Variants in EPAS1 observed in about 807,000 individuals in gnomAD.
The protein encoded by EPAS1 is endothelial PAS domain protein 1, also known as endothelial PAS domain-containing protein 1.
Under a neutral mutation model 87.9 loss-of-function variants are expected in EPAS1, and 23 were observed. That is an observed-to-expected ratio of 0.26 (90% CI 0.19 to 0.37). The LOEUF (loss-of-function observed/expected upper bound fraction) is 0.37. Among genes scored for constraint, EPAS1 ranks in the 10% least tolerant of loss-of-function variants. The pLI is 1.00. For synonymous variants in EPAS1, 508 were observed against 444.3 expected, an observed-to-expected ratio of 1.14 and a Z score of -1.80; for missense variants, 1,138 against 1,120.7, an observed-to-expected ratio of 1.02 and a Z score of -0.22.
chr2:46,311,906 C>T (rs1317587545), intron 1 of EPAS1, among the ~76,000 whole-genome samples: 3 of 152,152 alleles, frequency 2.0e-5, no homozygotes, highest in Non-Finnish European at 4.4e-5. Flanking sequence ...GAGCATTGAT[C>T]CCTTTGTTCC....
At chr2:46,357,122 A>G (rs1684285432) in intron 4 of EPAS1, among the ~76,000 whole-genome samples, 1 of 152,170 alleles carries the variant, frequency 6.6e-6, no homozygotes, top group African/African-American at 2.4e-5. Context: ...ACACCACCCA[A>G]ACCAATGAGG....
At chr2:46,377,819 G>A (rs1345794604) in intron 9 of EPAS1, 75 bp from the exon 10 acceptor site, 2 of 1,551,188 alleles carry the variant, frequency 1.3e-6, no homozygotes. Flanking sequence ...CTTCTCTGCG[G>A]TTTTTGGGCC....
Position 46,385,187 on chromosome 2 carries a change from GT to G in EPAS1, c.*540del, listed in dbSNP as rs75932330. The G allele has an allele frequency of 0.084, 12,627 of 149,746 alleles. 809 individuals carry two copies. Among genetic ancestry groups the G allele is most frequent in the African/African-American group, 0.19 (7,691 of 40,560 alleles). The allele number at this position is 149,746 out of a possible 1,614,324, so 9.3% of individuals were successfully genotyped here. ...TAATCACCATATTGTAAATTTCAGG[GT>G]TTTTTTTTTTTTGTTTAAGCTGACT... On this transcript the variant is annotated 3_prime_UTR_variant, in exon 16 of 16. Transcript: ENST00000263734.
intron 15 of EPAS1, 93 bp downstream of exon 15, chr2:46,382,691 G>A (rs2103678778): frequency 6.6e-7 from 1 of 1,516,912 alleles, no homozygotes; most frequent in African/African-American, 1.4e-5. Flanking sequence ...CACAGTGCCA[G>A]GCACAGGGAG....
intron 15 of EPAS1, among the ~76,000 whole-genome samples, chr2:46,383,904 G>C (rs1242291970): frequency 6.6e-6 from 1 of 152,162 alleles, no homozygotes; most frequent in Non-Finnish European, 1.5e-5. Flanking sequence ...AGGTGGGTGG[G>C]CATCTCCCAT....
intron 6 of EPAS1, among the ~76,000 whole-genome samples, chr2:46,366,813 G>A (rs950898629): frequency 2.0e-5 from 3 of 152,260 alleles, no homozygotes; most frequent in African/African-American, 7.2e-5. Flanking sequence ...GGAGCCTGGG[G>A]GAAATGAGCG....
chr2:46,338,515 A>T (rs890868051), intron 1 of EPAS1, among the ~76,000 whole-genome samples: 6 of 152,204 alleles, frequency 3.9e-5, no homozygotes. Context: ...GAGTGAAGAC[A>T]GCACCGAGTC....
intron 1 of EPAS1, 64 bp downstream of exon 1, chr2:46,298,001 G>A: frequency 1.9e-6 from 3 of 1,591,260 alleles, no homozygotes. Flanking sequence ...GCGCGGGGCA[G>A]GCGCGACCGA....
rs1572608003 is a variant in EPAS1, at chr2:46,297,542, A to C, written c.-370A>C. ...TCAGCCCGGCCTCCGACTCCTTCCG[A>C]CTCCCAGCATTCGAGCCACTTTTTT... On this transcript the variant is annotated 5_prime_UTR_variant, in exon 1 of 16. Coordinates refer to ENST00000263734, the MANE Select transcript of EPAS1 (RefSeq NM_001430.5). 1 of 314,280 alleles carries C rather than the reference A, an allele frequency of 3.2e-6. No individual in the cohort carries two copies. The highest frequency in any genetic ancestry group is 2.4e-5 in the African/African-American group (1 of 41,696). 19.5% of individuals were successfully genotyped at this position (314,280 alleles called of 1,614,324 possible).
chr2:46,377,266 C>T (rs1684774174), intron 9 of EPAS1, among the ~76,000 whole-genome samples: 2 of 152,230 alleles, frequency 1.3e-5, no homozygotes, highest in Non-Finnish European at 2.9e-5. Context: ...AAAGTGTCTG[C>T]CTGTCCCTGG....
At chr2:46,298,003 C>G (rs1188459295) in intron 1 of EPAS1, 66 bp downstream of exon 1, 1 of 1,586,270 alleles carries the variant, frequency 6.3e-7, no homozygotes, top group Non-Finnish European at 8.6e-7. Context: ...GCGGGGCAGG[C>G]GCGACCGAGA....
intron 1 of EPAS1, among the ~76,000 whole-genome samples, chr2:46,318,060 A>C (rs943716966): frequency 6.6e-6 from 1 of 152,148 alleles, no homozygotes; most frequent in African/African-American, 2.4e-5. Flanking sequence ...TTAAAGTGAG[A>C]GATGTGACTC....
chr2:46,301,768 G>A (rs1683004893), intron 1 of EPAS1, among the ~76,000 whole-genome samples: 1 of 150,140 alleles, frequency 6.7e-6, no homozygotes, highest in African/African-American at 2.4e-5. Flanking sequence ...TTGCTTTTCT[G>A]GATAATTATC....
chr2:46,380,039 C>T lies in EPAS1; in HGVS notation c.1555-188C>T. The T allele has an allele frequency of 3.6e-6, 3 of 843,548 alleles. No homozygotes were observed. The highest frequency in any genetic ancestry group is 4.8e-5 in the East Asian group (2 of 41,270). 52.3% of individuals were successfully genotyped at this position (843,548 alleles called of 1,614,324 possible). ...CATGGGGGAAGGCTGGTACATGATACAAGGTCGTGTACATGACACAGCCAA... is the reference window on the plus strand; with the variant it reads ...CATGGGGGAAGGCTGGTACATGATATAAGGTCGTGTACATGACACAGCCAA... On this transcript the variant is annotated intron_variant, in intron 11 of 15. Coordinates refer to ENST00000263734, the MANE Select transcript of EPAS1 (RefSeq NM_001430.5). This position sits in a 1 kb window ranked among gnomAD's most constrained non-coding sequence, Gnocchi z 4.4.
Position 46,375,280 on chromosome 2 carries a change from T to G in EPAS1, c.887-410T>G, listed in dbSNP as rs923706305. The stretch of plus-strand genomic sequence containing the variant: ...CCTGGAGTGCTTGACGGGATGGCGC[T>G]CCTTACCCAGTGTGAAGGGGCTTCT... On this transcript the variant is annotated intron_variant, in intron 7 of 15. Transcript: ENST00000263734. This position sits in a 1 kb window ranked among gnomAD's most constrained non-coding sequence, Gnocchi z 4.1. Among the ~76,000 whole-genome samples the G allele has an allele frequency of 1.3e-5, 2 of 150,908 alleles. No homozygotes were observed. The highest frequency in any genetic ancestry group is 3.9e-4 in the East Asian group (2 of 5,126).
Position 46,384,954 on chromosome 2 carries a change from C to A in EPAS1, c.*294C>A. 2.3e-6 allele frequency: 1 copy of A among 431,566 alleles called. No homozygotes were observed. Among genetic ancestry groups the A allele is most frequent in the East Asian group, 4.9e-5 (1 of 20,588 alleles). The allele number at this position is 431,566 out of a possible 1,614,324, so 26.7% of individuals were successfully genotyped here. On this transcript the variant is annotated 3_prime_UTR_variant, in exon 16 of 16. Coordinates refer to ENST00000263734, the MANE Select transcript of EPAS1 (RefSeq NM_001430.5). Reference sequence around the variant, plus strand: ...TCTAATTTATATTATCCATAGGTTTCTCTCCCTCCTTCTCCTTCTCACACA... The same window carrying A: ...TCTAATTTATATTATCCATAGGTTTATCTCCCTCCTTCTCCTTCTCACACA...
intron 1 of EPAS1, among the ~76,000 whole-genome samples, chr2:46,343,738 G>A (rs992304217): frequency 1.3e-5 from 2 of 152,244 alleles, no homozygotes; most frequent in African/African-American, 4.8e-5. Flanking sequence ...CTAAGGTGTT[G>A]CTGTTTCTTT....
chr2:46,314,529 A>G (rs570983676), intron 1 of EPAS1, among the ~76,000 whole-genome samples: 1 of 152,354 alleles, frequency 6.6e-6, no homozygotes, highest in East Asian at 1.9e-4. Context: ...GCAAGTGCCA[A>G]TCAGCTGGAT....
intron 1 of EPAS1, among the ~76,000 whole-genome samples, chr2:46,338,548 G>A (rs1683845294): frequency 6.6e-6 from 1 of 152,176 alleles, no homozygotes; most frequent in Admixed American, 6.5e-5. Context: ...CCCTGCAGTG[G>A]ATAAGATGAG....
Sources: allele counts gnomAD v4.1 joint callset (sites outside exome capture counted in the v4.1 genomes callset), GRCh38; gene constraint gnomAD v4.1.1; non-coding constraint Gnocchi (gnomAD v3.1); transcripts MANE v1.5; gene names NCBI Gene and HGNC (gene_info 2026-07-23, HGNC 2026-07-21).